RPH3A: variants seen among roughly 807,000 people sequenced by gnomAD.
RPH3A encodes the protein rabphilin-3A.
A neutral mutation model predicts 102.2 loss-of-function variants in RPH3A; 48 were observed. The ratio of observed to expected loss-of-function variants is 0.47; its 90% CI spans 0.37 to 0.60. RPH3A has a LOEUF of 0.60. RPH3A is among the 20% of genes least tolerant of loss of function. RPH3A has a pLI of 0.00. For synonymous variants in RPH3A, 310 were observed against 324.3 expected (o/e 0.96, Z 0.47); for missense variants, 781 against 910.1 (o/e 0.86, Z 1.83).
At chr12:112,827,079 C>A (rs927722955) in intron 2 of RPH3A, among the ~76,000 whole-genome samples, 4 of 152,064 alleles carry the variant, frequency 2.6e-5, no homozygotes, top group African/African-American at 9.7e-5. Context: ...TGAGATATAA[C>A]TCACAGATAA....
chr12:112,592,576 T>C (rs960545887), intron 1 of RPH3A, among the ~76,000 whole-genome samples: 2 of 152,166 alleles, frequency 1.3e-5, no homozygotes, highest in African/African-American at 4.8e-5. Flanking sequence ...GCCTTGGCCT[T>C]CCAAAGTGCT....
At chr12:112,633,673 A>ATCACCTAGTT (rs1261222952) in intron 1 of RPH3A, among the ~76,000 whole-genome samples, 1 of 152,224 alleles carries the variant, frequency 6.6e-6, no homozygotes, top group African/African-American at 2.4e-5. Context: ...TTCTTTATAC[A>ATCACCTAGTT]TCACCTAGTT....
At chr12:112,644,201 C>T (rs1412008290) in intron 1 of RPH3A, among the ~76,000 whole-genome samples, 1 of 152,138 alleles carries the variant, frequency 6.6e-6, no homozygotes, top group Non-Finnish European at 1.5e-5. Flanking sequence ...GTACAATGTA[C>T]ACTATTTGGA....
chr12:112,845,075 A>G (rs2042207391), intron 4 of RPH3A, among the ~76,000 whole-genome samples: 1 of 152,128 alleles, frequency 6.6e-6, no homozygotes, highest in African/African-American at 2.4e-5. Flanking sequence ...TATGACTTGG[A>G]AGCCACACAG....
chr12:112,683,732 G>A (rs1211745321), intron 1 of RPH3A, among the ~76,000 whole-genome samples: 3 of 152,004 alleles, frequency 2.0e-5, no homozygotes, highest in African/African-American at 4.8e-5. Flanking sequence ...TGTTGATGAC[G>A]GCCCTGGGGA....
chr12:112,862,191 G>A (rs185507759), intron 5 of RPH3A, among the ~76,000 whole-genome samples: 1 of 151,958 alleles, frequency 6.6e-6, no homozygotes, highest in East Asian at 1.9e-4. Flanking sequence ...AGGCATGTAA[G>A]ATCGTACCAT....
intron 5 of RPH3A, among the ~76,000 whole-genome samples, chr12:112,854,705 A>C (rs2042379983): frequency 6.6e-6 from 1 of 152,260 alleles, no homozygotes; most frequent in Admixed American, 6.5e-5. Context: ...GTCCTCACTG[A>C]GAGACAGACA....
At chr12:112,844,166 G>C (rs919788943) in intron 4 of RPH3A, among the ~76,000 whole-genome samples, 1 of 152,190 alleles carries the variant, frequency 6.6e-6, no homozygotes, top group African/African-American at 2.4e-5. Flanking sequence ...GTGTGGGCAG[G>C]ACCTGAGCCT....
chr12:112,628,578 A>C (rs2039782278), intron 1 of RPH3A, among the ~76,000 whole-genome samples: 1 of 97,482 alleles, frequency 1.0e-5, no homozygotes, highest in Non-Finnish European at 1.8e-5. Context: ...CAAAAAAAAA[A>C]AAAAAAAAAA....
intron 1 of RPH3A, among the ~76,000 whole-genome samples, chr12:112,729,016 C>T (rs1178579737): frequency 1.3e-5 from 2 of 152,052 alleles, no homozygotes; most frequent in Admixed American, 1.3e-4. Flanking sequence ...GCGGGAGTGG[C>T]TTGGGAACAC....
At chr12:112,852,984 T>C (rs1006905316) in intron 5 of RPH3A, among the ~76,000 whole-genome samples, 5 of 152,140 alleles carry the variant, frequency 3.3e-5, no homozygotes, top group African/African-American at 1.2e-4. Context: ...AAAAAAGTAA[T>C]TAGGATTTGT....
intron 1 of RPH3A, among the ~76,000 whole-genome samples, chr12:112,737,071 C>A (rs1442665943): frequency 1.3e-5 from 2 of 148,468 alleles, no homozygotes; most frequent in Non-Finnish European, 3.0e-5. Context: ...GGAAGGATGG[C>A]TTGAGCCTGG....
In RPH3A at chr12:112,877,419, T is replaced by TACACACACACACACACAC. The variant is rs3038114; in HGVS notation, c.1171+576_1171+593dup. 6.9e-3 allele frequency among the ~76,000 whole-genome samples: 979 copies of TACACACACACACACACAC among 141,616 alleles called. 32 individuals carry two copies. Among genetic ancestry groups the TACACACACACACACACAC allele is most frequent in the Admixed American group, 0.056 (791 of 14,102 alleles). 92.9% of individuals were successfully genotyped at this position (141,616 alleles called of 152,430 possible). On this transcript the variant is annotated intron_variant, in intron 13 of 21. Coordinates refer to ENST00000389385, the MANE Select transcript of RPH3A (RefSeq NM_001143854.2). ...ACACACGTATACACACACACACGTA[T>TACACACACACACACACAC]ACACACACACACACACACACACACA...
At chr12:112,629,608 C>G (rs1240864945) in intron 1 of RPH3A, among the ~76,000 whole-genome samples, 1 of 151,612 alleles carries the variant, frequency 6.6e-6, no homozygotes, top group African/African-American at 2.4e-5. Flanking sequence ...TCCCTAGTAC[C>G]TGGCACTGCA....
intron 1 of RPH3A, among the ~76,000 whole-genome samples, chr12:112,610,891 C>T (rs1566227767): frequency 6.6e-6 from 1 of 152,196 alleles, no homozygotes. Context: ...CCACCTTGGC[C>T]TCCCAAACTG....
At chr12:112,652,584 G>A (rs1437043564) in intron 1 of RPH3A, among the ~76,000 whole-genome samples, 1 of 152,206 alleles carries the variant, frequency 6.6e-6, no homozygotes, top group Non-Finnish European at 1.5e-5. Context: ...AGAGAACAGA[G>A]GCTCTGATCT....
chr12:112,583,010 G>A (rs1054426856), intron 1 of RPH3A, among the ~76,000 whole-genome samples: 4 of 152,090 alleles, frequency 2.6e-5, no homozygotes, highest in Non-Finnish European at 5.9e-5. Flanking sequence ...GGGTGGCTTC[G>A]TGAATTTTCC....
chr12:112,726,374 C>T (rs1182031824), intron 1 of RPH3A, among the ~76,000 whole-genome samples: 1 of 152,198 alleles, frequency 6.6e-6, no homozygotes, highest in East Asian at 1.9e-4. Flanking sequence ...CTCAGCCTCC[C>T]AAAGTGCTGG....
chr12:112,779,618 TG>T (rs1020622497), intron 1 of RPH3A, among the ~76,000 whole-genome samples: 2 of 152,196 alleles, frequency 1.3e-5, no homozygotes, highest in Non-Finnish European at 2.9e-5. Context: ...GAGGTAGGGC[TG>T]ATTATGATTT....
Sources: gnomAD v4.1 joint callset for allele counts (sites outside exome capture counted in the v4.1 genomes callset) on GRCh38, gnomAD v4.1.1 for gene constraint, MANE v1.5 for transcripts, NCBI Gene and HGNC (gene_info 2026-07-23, HGNC 2026-07-21) for gene names.